Variants in CELF4 observed in about 807,000 individuals in gnomAD.
CELF4 encodes CUG-BP- and ETR-3-like factor 4.
Under a neutral mutation model 59.9 loss-of-function variants are expected in CELF4, and 18 were observed. The ratio of observed to expected loss-of-function variants is 0.30; its 90% CI spans 0.21 to 0.45. The LOEUF is 0.45. CELF4 is among the 20% of genes least tolerant of loss of function. CELF4 has a pLI of 1.00. For missense variants in CELF4, 456 were observed against 689.0 expected, an observed-to-expected ratio of 0.66 and a Z score of 3.79; for synonymous variants, 261 against 267.1, an observed-to-expected ratio of 0.98 and a Z score of 0.22.
In CELF4 at chr18:37,387,436, C is replaced by A. The variant is rs948672; in HGVS notation, c.370-65555G>T. On this transcript the variant is annotated intron_variant, in intron 2 of 12. Coordinates refer to ENST00000420428, the MANE Select transcript of CELF4 (RefSeq NM_020180.4). ...AGCCAACTGCTTCCTTGACCTCCAG[C>A]GCCCCTCTTCTCACGGGAGGCTGTT... is the stretch of plus-strand genomic sequence containing the variant. 1.4e-4 allele frequency among the ~76,000 whole-genome samples: 21 copies of A among 152,298 alleles called. No individual in the cohort carries two copies. The East Asian group carries it at 1.9e-3, about 14-fold the overall frequency.
At chr18:37,550,819 G>A (rs1482232341) in intron 1 of CELF4, among the ~76,000 whole-genome samples, 1 of 152,202 alleles carries the variant, frequency 6.6e-6, no homozygotes, top group Non-Finnish European at 1.5e-5. Flanking sequence ...AATTCCCCCC[G>A]ATTAGAGACG....
At chr18:37,517,795 T>C (rs944805471) in intron 1 of CELF4, among the ~76,000 whole-genome samples, 2 of 152,180 alleles carry the variant, frequency 1.3e-5, no homozygotes, top group African/African-American at 2.4e-5. Context: ...CACCTCCCTC[T>C]GTGGGACCTC....
chr18:37,266,377 GC>G (rs2077537653), intron 9 of CELF4, 155 bp downstream of exon 9: 6 of 792,502 alleles, frequency 7.6e-6, no homozygotes, highest in Non-Finnish European at 1.2e-5. Context: ...CAAGAAGGCA[GC>G]CTGGAGGGTC....
At chr18:37,405,736 T>C (rs2099383947) in intron 2 of CELF4, among the ~76,000 whole-genome samples, 1 of 152,294 alleles carries the variant, frequency 6.6e-6, no homozygotes, top group African/African-American at 2.4e-5. Flanking sequence ...CTCTACCTGT[T>C]GAGGGAAGAG....
intron 2 of CELF4, among the ~76,000 whole-genome samples, chr18:37,398,219 C>A (rs1018318280): frequency 6.6e-6 from 1 of 152,148 alleles, no homozygotes; most frequent in Non-Finnish European, 1.5e-5. Flanking sequence ...ATAGTCCAGG[C>A]CAAATTACTT....
intron 1 of CELF4, among the ~76,000 whole-genome samples, chr18:37,505,768 G>A (rs1004585084): frequency 6.6e-6 from 1 of 152,200 alleles, no homozygotes; most frequent in Admixed American, 6.5e-5. Context: ...GACTCTACAG[G>A]GGGATCGATA....
chr18:37,360,500 C>T (rs964186920), intron 2 of CELF4, among the ~76,000 whole-genome samples: 10 of 152,296 alleles, frequency 6.6e-5, no homozygotes, highest in East Asian at 1.9e-4. Flanking sequence ...GCTCCCTTCT[C>T]GCCCTTCACA....
At chr18:37,331,148 G>A (rs1328359826) in intron 2 of CELF4, among the ~76,000 whole-genome samples, 3 of 152,270 alleles carry the variant, frequency 2.0e-5, no homozygotes, top group Admixed American at 6.5e-5. Context: ...CCAGCGCTGC[G>A]CTGCCTGGGC....
chr18:37,249,739 C>T (rs2064270436), intron 12 of CELF4, among the ~76,000 whole-genome samples: 1 of 152,126 alleles, frequency 6.6e-6, no homozygotes, highest in Admixed American at 6.5e-5. Flanking sequence ...GCAGTGGGAT[C>T]ACTGACCGGC....
intron 2 of CELF4, among the ~76,000 whole-genome samples, chr18:37,408,792 C>T (rs969206561): frequency 6.6e-6 from 1 of 152,184 alleles, no homozygotes; most frequent in Admixed American, 6.5e-5. Flanking sequence ...TCCTGTCCCA[C>T]CACCCAGCTC....
chr18:37,540,877 T>C (rs1339805924), intron 1 of CELF4, among the ~76,000 whole-genome samples: 3 of 152,116 alleles, frequency 2.0e-5, no homozygotes, highest in African/African-American at 7.2e-5. Context: ...CTTTATCTCA[T>C]TCATTAATGA....
Position 37,283,731 on chromosome 18 carries a change from A to G in CELF4, c.449-8488T>C, listed in dbSNP as rs190794162. On this transcript the variant is annotated intron_variant, in intron 3 of 12. Transcript: ENST00000420428. Reference sequence around the variant, plus strand: ...GACATACTGCGGGAACAGAGCATGGAGTGATGAGCCCTGTAGGTATGAGGG... The same window carrying G: ...GACATACTGCGGGAACAGAGCATGGGGTGATGAGCCCTGTAGGTATGAGGG... Among the ~76,000 whole-genome samples the G allele has an allele frequency of 1.8e-3, 280 of 151,902 alleles. 5 individuals are homozygous for G. The highest frequency in any genetic ancestry group is 0.018 in the Admixed American group (275 of 15,252).
intron 1 of CELF4, among the ~76,000 whole-genome samples, chr18:37,495,145 G>T (rs1336607520): frequency 6.6e-6 from 1 of 152,154 alleles, no homozygotes; most frequent in African/African-American, 2.4e-5. Context: ...GATGAACCTG[G>T]TAGGGGAGTT....
chr18:37,298,053 C>T (rs2154440863), intron 3 of CELF4, among the ~76,000 whole-genome samples: 1 of 152,352 alleles, frequency 6.6e-6, no homozygotes, highest in East Asian at 1.9e-4. Context: ...CTCAAGGGAT[C>T]TGCTGGCCTC....
intron 2 of CELF4, among the ~76,000 whole-genome samples, chr18:37,339,912 T>C (rs2097930730): frequency 6.6e-6 from 1 of 152,112 alleles, no homozygotes; most frequent in African/African-American, 2.4e-5. Flanking sequence ...GTGCAGCCAC[T>C]CCCAGCCTTG....
rs759107527 is a variant in CELF4 at position 37,274,292 on chromosome 18, C to T, written c.801+19G>A. 4 of 1,609,746 alleles carry T rather than the reference C, an allele frequency of 2.5e-6. No individual in the cohort carries two copies. Among genetic ancestry groups the T allele is most frequent in the Middle Eastern group, 1.7e-4 (1 of 5,728 alleles). ...GGGAGTGAGCTTGAGAACCGCTGCC[C>T]GTGCGCGCTGCCACTTACTGCCTGA... On this transcript the variant is annotated intron_variant, in intron 6 of 12. Transcript: ENST00000420428.
At chr18:37,430,535 G>T in intron 2 of CELF4, among the ~76,000 whole-genome samples, 1 of 152,180 alleles carries the variant, frequency 6.6e-6, no homozygotes, top group Non-Finnish European at 1.5e-5. Flanking sequence ...GCCTGCTGGG[G>T]CTTTAAACAA....
chr18:37,366,708 G>A (rs1416963150), intron 2 of CELF4, among the ~76,000 whole-genome samples: 1 of 152,234 alleles, frequency 6.6e-6, no homozygotes, highest in Admixed American at 6.5e-5. Flanking sequence ...ATCATTGGAA[G>A]ACAAGAAGAC....
chr18:37,349,250 A>C (rs2154552821), intron 2 of CELF4, among the ~76,000 whole-genome samples: 1 of 152,344 alleles, frequency 6.6e-6, no homozygotes, highest in East Asian at 1.9e-4. Context: ...AACTCGCATC[A>C]AGGATAGCCA....
Sources: gnomAD v4.1 joint callset for allele counts (sites outside exome capture counted in the v4.1 genomes callset) on GRCh38, gnomAD v4.1.1 for gene constraint, MANE v1.5 for transcripts, NCBI Gene and HGNC (gene_info 2026-07-23, HGNC 2026-07-21) for gene names.